Variants in LNX1 observed in about 807,000 individuals in gnomAD.
LNX1 encodes the protein E3 ubiquitin-protein ligase LNX.
In LNX1, 54 loss-of-function variants were observed where a neutral mutation model predicts 68.4. The ratio of observed to expected loss-of-function variants is 0.79; its 90% CI spans 0.63 to 0.99. The LOEUF is 0.99. Ranked by LOEUF, LNX1 falls within the 50% of genes least tolerant of loss-of-function variation. LNX1 has a pLI of 0.00. For synonymous variants in LNX1, 336 were observed against 350.0 expected (o/e 0.96, Z 0.45); for missense variants, 906 against 926.4 (o/e 0.98, Z 0.29).
chr4:53,535,151 A>G (rs1202108766), intron 2 of LNX1, among the ~76,000 whole-genome samples: 1 of 152,222 alleles, frequency 6.6e-6, no homozygotes, highest in Non-Finnish European at 1.5e-5. Context: ...TTTTTAAGGA[A>G]CACAAAGGAT....
intron 1 of LNX1, among the ~76,000 whole-genome samples, chr4:53,639,884 T>C (rs1462276407): frequency 6.6e-6 from 1 of 151,928 alleles, no homozygotes; most frequent in African/African-American, 2.4e-5. Flanking sequence ...ATAAAAAAAA[T>C]TAGCCAGGCA....
At chr4:53,609,878 CTATA>C (rs971590741) in intron 2 of LNX1, among the ~76,000 whole-genome samples, 2 of 148,602 alleles carry the variant, frequency 1.3e-5, no homozygotes, top group African/African-American at 4.9e-5. Context: ...TTATATATAA[CTATA>C]TAGCATATAA....
At chr4:53,576,011 C>A in intron 1 of LNX1, 1 of 1,568,510 alleles carries the variant, frequency 6.4e-7, no homozygotes. Flanking sequence ...CTCCATCTTC[C>A]CCCCACCAGC....
intron 1 of LNX1, among the ~76,000 whole-genome samples, chr4:53,576,561 A>G (rs1218734004): frequency 1.3e-5 from 2 of 152,174 alleles, no homozygotes; most frequent in African/African-American, 4.8e-5. Flanking sequence ...CTTCTGCCTT[A>G]AATCCCTGAC....
intron 2 of LNX1, among the ~76,000 whole-genome samples, chr4:53,554,473 A>G (rs148257586): frequency 6.6e-6 from 1 of 152,368 alleles, no homozygotes; most frequent in East Asian, 1.9e-4. Context: ...TTGAATTTGA[A>G]TGCTTTCAGG....
chr4:53,534,705 C>T (rs190575377), intron 2 of LNX1, among the ~76,000 whole-genome samples: 1 of 152,266 alleles, frequency 6.6e-6, no homozygotes, highest in African/African-American at 2.4e-5. Context: ...ACCTATTTGT[C>T]TTTGGGGGAG....
At chr4:53,538,234 A>G (rs779544704) in intron 2 of LNX1, among the ~76,000 whole-genome samples, 13 of 152,204 alleles carry the variant, frequency 8.5e-5, no homozygotes, top group Admixed American at 5.9e-4. Context: ...ACACCATGGC[A>G]TCCAGGTTTT....
chr4:53,521,901 G>C (rs1727251767), intron 2 of LNX1, among the ~76,000 whole-genome samples: 1 of 152,138 alleles, frequency 6.6e-6, no homozygotes, highest in African/African-American at 2.4e-5. Context: ...CTGGGCTCAA[G>C]GGATCCTCCC....
At chr4:53,565,829 G>A (rs1269634432) in intron 2 of LNX1, among the ~76,000 whole-genome samples, 1 of 151,958 alleles carries the variant, frequency 6.6e-6, no homozygotes, top group Middle Eastern at 3.4e-3. Context: ...GAAAACCAAG[G>A]CTCGAGAACT....
intron 1 of LNX1, among the ~76,000 whole-genome samples, chr4:53,647,341 G>A (rs547183639): frequency 6.6e-6 from 1 of 152,266 alleles, no homozygotes; most frequent in African/African-American, 2.4e-5. Flanking sequence ...TTTCTGCATA[G>A]TATAATATTA....
At chr4:53,476,277 G>T (rs1295041249) in intron 9 of LNX1, among the ~76,000 whole-genome samples, 1 of 152,176 alleles carries the variant, frequency 6.6e-6, no homozygotes, top group Non-Finnish European at 1.5e-5. Context: ...TAGCCTGGGT[G>T]ACAGAGCAAG....
chr4:53,467,762 G>A (rs1003762582), intron 9 of LNX1, among the ~76,000 whole-genome samples: 4 of 152,150 alleles, frequency 2.6e-5, no homozygotes, highest in Non-Finnish European at 5.9e-5. Flanking sequence ...CAAAATGAAT[G>A]AAATGAAGCG....
chr4:53,565,929 G>A (rs1479643980), intron 2 of LNX1, among the ~76,000 whole-genome samples: 1 of 152,150 alleles, frequency 6.6e-6, no homozygotes, highest in Admixed American at 6.6e-5. Context: ...GAAATGAAGC[G>A]AGAAGGAAAG....
chr4:53,525,629 T>A (rs1227505773), intron 2 of LNX1, among the ~76,000 whole-genome samples: 1 of 152,224 alleles, frequency 6.6e-6, no homozygotes, highest in Non-Finnish European at 1.5e-5. Context: ...GGCCAGTGGA[T>A]GAAAACATTA....
At chr4:53,642,173 G>A (rs530937547) in intron 1 of LNX1, among the ~76,000 whole-genome samples, 1 of 140,400 alleles carries the variant, frequency 7.1e-6, no homozygotes, top group African/African-American at 2.7e-5. Flanking sequence ...AGTGAGCCAT[G>A]ATCACATTAC....
intron 2 of LNX1, among the ~76,000 whole-genome samples, chr4:53,527,656 T>C (rs563963580): frequency 3.3e-5 from 5 of 152,318 alleles, no homozygotes; most frequent in African/African-American, 9.6e-5. Flanking sequence ...TCACCTTTGC[T>C]CAGCAAAAGC....
intron 2 of LNX1, among the ~76,000 whole-genome samples, chr4:53,525,766 G>A (rs1351255642): frequency 6.6e-6 from 1 of 152,198 alleles, no homozygotes; most frequent in African/African-American, 2.4e-5. Flanking sequence ...CTGTTAATCT[G>A]TGGCCAAAAC....
upstream of LNX1, among the ~76,000 whole-genome samples, chr4:53,593,586 T>C (rs1465782703): frequency 6.6e-6 from 1 of 152,150 alleles, no homozygotes; most frequent in Non-Finnish European, 1.5e-5. Flanking sequence ...GAGAAAAAAC[T>C]ACACAATTAG....
chr4:53,647,838 C>T (rs1734946059), intron 1 of LNX1, among the ~76,000 whole-genome samples: 5 of 152,216 alleles, frequency 3.3e-5, no homozygotes, highest in Admixed American at 2.6e-4. Flanking sequence ...CTGTAAGTAC[C>T]GCATGTAAGT....
Sources: allele counts gnomAD v4.1 joint callset (sites outside exome capture counted in the v4.1 genomes callset), GRCh38; gene constraint gnomAD v4.1.1; transcripts MANE v1.5; gene names NCBI Gene and HGNC (gene_info 2026-07-23, HGNC 2026-07-21).